The following CNTNAP2 variants were observed in gnomAD, a reference collection of about 807,000 sequenced individuals.
The protein encoded by CNTNAP2 is contactin associated protein 2.
CNTNAP2 carries 98 observed loss-of-function variants against 155.2 expected under a neutral mutation model. The observed-to-expected ratio is 0.63, with a 90% CI of 0.54 to 0.75. CNTNAP2 has a LOEUF of 0.75. Ranked by LOEUF, CNTNAP2 falls within the 30% of genes least tolerant of loss-of-function variation. The pLI is 0.00. For synonymous variants in CNTNAP2, 651 were observed against 631.2 expected, an observed-to-expected ratio of 1.03 and a Z score of -0.47; for missense variants, 1,727 against 1,688.1, an observed-to-expected ratio of 1.02 and a Z score of -0.40.
intron 2 of CNTNAP2, among the ~76,000 whole-genome samples, chr7:146,785,628 C>T (rs75122184): frequency 1.5e-3 from 228 of 152,288 alleles, no homozygotes; most frequent in African/African-American, 5.2e-3. Context: ...TGGTCACTGT[C>T]GTAGCCAATT....
intron 8 of CNTNAP2, among the ~76,000 whole-genome samples, chr7:147,238,568 A>T (rs1803868524): frequency 6.6e-6 from 1 of 152,146 alleles, no homozygotes; most frequent in Admixed American, 6.5e-5. Context: ...TCACATCAGA[A>T]TCAATAAATG....
At position 147,132,636 on chromosome 7, in the gene CNTNAP2, G is replaced by T. The variant is rs184029281; in HGVS notation, c.1348+127G>T. 3.9e-6 allele frequency: 5 copies of T among 1,275,702 alleles called. No individual in the cohort carries two copies. The African/African-American group carries it at 5.9e-5, about 15-fold the overall frequency. 79.0% of individuals were successfully genotyped at this position (1,275,702 alleles called of 1,614,324 possible). Reference sequence around the variant, plus strand: ...AGGTTTTAATTCAGATCTTCAAGACGCTTACTTGGTTGTAGTGTGTGCTGA... The same window carrying T: ...AGGTTTTAATTCAGATCTTCAAGACTCTTACTTGGTTGTAGTGTGTGCTGA... On this transcript the variant is annotated intron_variant, in intron 8 of 23. Coordinates refer to ENST00000361727, the MANE Select transcript of CNTNAP2 (RefSeq NM_014141.6).
intron 8 of CNTNAP2, among the ~76,000 whole-genome samples, chr7:147,237,826 G>A (rs1320056647): frequency 2.6e-5 from 4 of 152,106 alleles, no homozygotes; most frequent in African/African-American, 9.7e-5. Flanking sequence ...ATATACATGG[G>A]TTATGATTAT....
intron 1 of CNTNAP2, among the ~76,000 whole-genome samples, chr7:146,354,672 C>T (rs951334097): frequency 1.3e-5 from 2 of 152,134 alleles, no homozygotes; most frequent in Admixed American, 6.5e-5. Flanking sequence ...ACCTCAGCCT[C>T]CCAAAGTGCT....
At position 147,504,287 on chromosome 7, in the gene CNTNAP2, G is replaced by A. The variant is rs538979587; in HGVS notation, c.1777+18246G>A. Among the ~76,000 whole-genome samples the A allele has an allele frequency of 6.6e-5, 10 of 152,218 alleles. No homozygotes were observed. The East Asian group carries it at 1.7e-3, about 27-fold the overall frequency. ...GTTCAGGGTACCTCTGAGAAAAGAGGGGGCCCTCACTGACCTAGAGGCATG... is the reference window on the plus strand; with the variant it reads ...GTTCAGGGTACCTCTGAGAAAAGAGAGGGCCCTCACTGACCTAGAGGCATG... On this transcript the variant is annotated intron_variant, in intron 11 of 23. Transcript: ENST00000361727.
chr7:147,058,370 A>T (rs900194169), intron 4 of CNTNAP2, among the ~76,000 whole-genome samples: 1 of 152,196 alleles, frequency 6.6e-6, no homozygotes, highest in Non-Finnish European at 1.5e-5. Context: ...TATTATAGAT[A>T]TAGTATGTTC....
In CNTNAP2 at chr7:148,420,439, G is replaced by T. The variant is rs372956220; in HGVS notation, c.*4823G>T. ...TCATTCAATGAAATGGGGAAATCAC[G>T]TTGAGAAGTTGGTCTGTCATCTCCC... On this transcript the variant is annotated 3_prime_UTR_variant, in exon 24 of 24. Transcript: ENST00000361727. 2 of 152,130 alleles carry T rather than the reference G, an allele frequency of 1.3e-5. No homozygotes were observed. Among genetic ancestry groups the T allele is most frequent in the African/African-American group, 4.8e-5 (2 of 41,422 alleles). The allele number at this position is 152,130 out of a possible 1,614,324, so 9.4% of individuals were successfully genotyped here.
At chr7:147,176,867 G>GAATAATTATAACATATAATTATATATTAT (rs1802357473) in intron 8 of CNTNAP2, among the ~76,000 whole-genome samples, 1 of 114,306 alleles carries the variant, frequency 8.7e-6, no homozygotes, top group African/African-American at 3.7e-5. Context: ...AGATATTATA[G>GAATAATTATAACATATAATTATATATTAT]AATAATTATA....
At chr7:146,652,175 G>T (rs1799925659) in intron 1 of CNTNAP2, among the ~76,000 whole-genome samples, 2 of 152,062 alleles carry the variant, frequency 1.3e-5, no homozygotes, top group East Asian at 3.9e-4. Flanking sequence ...AAAGCCACTT[G>T]CATTTATTAG....
chr7:146,895,303 TCCTTCCTTCCTCCGTCCTTCCCTC>T (rs1795853617), intron 3 of CNTNAP2, among the ~76,000 whole-genome samples: 1 of 139,258 alleles, frequency 7.2e-6, no homozygotes, highest in Admixed American at 7.3e-5. Context: ...CCTCCCGCCC[TCCTTCCTTCCTCCGTCCTTCCCTC>T]CCTCCCTTCC....
chr7:147,580,612 C>A (rs1416618232), intron 12 of CNTNAP2, among the ~76,000 whole-genome samples: 1 of 127,794 alleles, frequency 7.8e-6, no homozygotes, highest in Admixed American at 9.1e-5. Context: ...TTGTTTTTTA[C>A]ATTATCATTT....
chr7:147,859,632 T>C (rs993820141), intron 13 of CNTNAP2, among the ~76,000 whole-genome samples: 1 of 152,208 alleles, frequency 6.6e-6, no homozygotes, highest in Admixed American at 6.5e-5. Flanking sequence ...ACTCTTAATA[T>C]CCATCTTAAT....
rs367712334 is a variant in CNTNAP2 at position 148,121,006 on chromosome 7, C to T, written c.2554+2718C>T. On this transcript the variant is annotated intron_variant, in intron 16 of 23. Transcript: ENST00000361727. ...GGCCATGATGGAGGCTTGTTGCTGT[C>T]GCTGTCTCATCAATCACACTTTTTC... 1.9e-4 allele frequency among the ~76,000 whole-genome samples: 29 copies of T among 152,074 alleles called. No homozygotes were observed. In the South Asian group the frequency reaches 5.0e-3, roughly 26 times the overall value.
chr7:146,624,022 T>A (rs1799377074), intron 1 of CNTNAP2, among the ~76,000 whole-genome samples: 1 of 152,136 alleles, frequency 6.6e-6, no homozygotes, highest in Non-Finnish European at 1.5e-5. Context: ...TGTTGTGTAT[T>A]GTTAATATAT....
At chr7:147,512,809 T>C (rs1347899225) in intron 11 of CNTNAP2, among the ~76,000 whole-genome samples, 1 of 152,160 alleles carries the variant, frequency 6.6e-6, no homozygotes, top group Admixed American at 6.5e-5. Flanking sequence ...ATGTATGCTT[T>C]TCATCTCAGC....
intron 13 of CNTNAP2, among the ~76,000 whole-genome samples, chr7:147,853,972 G>T (rs1452835709): frequency 6.6e-6 from 1 of 152,172 alleles, no homozygotes; most frequent in Non-Finnish European, 1.5e-5. Context: ...TTATCTCACG[G>T]TTTTTAAAAA....
chr7:147,239,510 CAAA>C (rs74785209), intron 8 of CNTNAP2, among the ~76,000 whole-genome samples: 5 of 74,906 alleles, frequency 6.7e-5, no homozygotes, highest in Admixed American at 1.4e-4. Flanking sequence ...ACTCCGTTTC[CAAA>C]AAAAAAAAAA....
At chr7:146,521,870 C>T (rs958034826) in intron 1 of CNTNAP2, among the ~76,000 whole-genome samples, 17 of 152,042 alleles carry the variant, frequency 1.1e-4, no homozygotes, top group African/African-American at 3.9e-4. Flanking sequence ...ATCTAAAATA[C>T]ATTCAAAGGC....
chr7:148,198,304 G>A (rs1037308173), intron 18 of CNTNAP2, among the ~76,000 whole-genome samples: 2 of 152,228 alleles, frequency 1.3e-5, no homozygotes, highest in Non-Finnish European at 2.9e-5. Context: ...AAAGGGGCAT[G>A]ATCCAAGAAG....
Sources: gnomAD v4.1 joint callset for allele counts (sites outside exome capture counted in the v4.1 genomes callset) on GRCh38, gnomAD v4.1.1 for gene constraint, MANE v1.5 for transcripts, NCBI Gene and HGNC (gene_info 2026-07-23, HGNC 2026-07-21) for gene names.